Variants in RAB31 observed in about 807,000 individuals in gnomAD.
The protein encoded by RAB31 is RAB31, member RAS oncogene family.
RAB31 carries 21 observed loss-of-function variants against 25.6 expected under a neutral mutation model. That is an observed-to-expected ratio of 0.82 (90% CI 0.58 to 1.18). The LOEUF is 1.18. RAB31 is among the 50% of genes most tolerant of loss of function. RAB31 has a pLI of 0.00. For missense variants in RAB31, 196 were observed against 250.1 expected, an observed-to-expected ratio of 0.78 and a Z score of 1.46; for synonymous variants, 87 against 84.0, an observed-to-expected ratio of 1.04 and a Z score of -0.20.
chr18:9,784,942 T>G (rs2068424394), intron 2 of RAB31, among the ~76,000 whole-genome samples: 1 of 152,142 alleles, frequency 6.6e-6, no homozygotes, highest in Admixed American at 6.5e-5. Context: ...AGATAGAGTA[T>G]GATCAATTTT....
intron 5 of RAB31, among the ~76,000 whole-genome samples, chr18:9,829,953 G>A (rs1013151259): frequency 1.3e-5 from 2 of 151,446 alleles, no homozygotes; most frequent in African/African-American, 2.4e-5. Context: ...TATCATCTTC[G>A]AATTTAGGTC....
At chr18:9,793,655 C>A (rs1342288459) in intron 3 of RAB31, among the ~76,000 whole-genome samples, 1 of 150,234 alleles carries the variant, frequency 6.7e-6, no homozygotes, top group Non-Finnish European at 1.5e-5. Flanking sequence ...GAGTGAGACT[C>A]CAGCTCAAAA....
chr18:9,809,609 G>A (rs2068560458), intron 3 of RAB31, among the ~76,000 whole-genome samples: 2 of 152,144 alleles, frequency 1.3e-5, no homozygotes, highest in Non-Finnish European at 2.9e-5. Context: ...AGGCTGTCTT[G>A]CCTCATGTGC....
chr18:9,853,857 T>C (rs2068801279), intron 6 of RAB31, among the ~76,000 whole-genome samples: 1 of 150,890 alleles, frequency 6.6e-6, no homozygotes, highest in Admixed American at 6.6e-5. Context: ...AAAAAATAAA[T>C]AAATAAAGTT....
chr18:9,729,094 A>G (rs2068109409), intron 1 of RAB31, among the ~76,000 whole-genome samples: 1 of 152,026 alleles, frequency 6.6e-6, no homozygotes, highest in Non-Finnish European at 1.5e-5. Flanking sequence ...GTTTTTCCTC[A>G]GTTTGTTGTT....
rs151304499 is a variant in RAB31 at position 9,721,285 on chromosome 18, G to A, written c.39+12841G>A. Among the ~76,000 whole-genome samples the A allele has an allele frequency of 3.3e-5, 5 of 152,276 alleles. No individual in the cohort carries two copies. The East Asian group carries it at 7.7e-4, about 24-fold the overall frequency. On this transcript the variant is annotated intron_variant, in intron 1 of 6. Coordinates refer to ENST00000578921, the MANE Select transcript of RAB31 (RefSeq NM_006868.4). ...GTTAACGTCATTAATACTGGCTAAG[G>A]AGAAAATAACCGATGTAGAGTTAGT...
chr18:9,786,492 C>G (rs190925328), intron 2 of RAB31, among the ~76,000 whole-genome samples: 1 of 152,210 alleles, frequency 6.6e-6, no homozygotes, highest in Admixed American at 6.5e-5. Context: ...TCTAGAGGCC[C>G]GGACTTGGGA....
At chr18:9,846,126 C>T (rs1401519868) in intron 6 of RAB31, among the ~76,000 whole-genome samples, 1 of 152,146 alleles carries the variant, frequency 6.6e-6, no homozygotes, top group Non-Finnish European at 1.5e-5. Flanking sequence ...AGTAATGTCT[C>T]CATCCTGTTT....
chr18:9,719,618 G>A (rs1004688913), intron 1 of RAB31, among the ~76,000 whole-genome samples: 11 of 151,486 alleles, frequency 7.3e-5, no homozygotes, highest in South Asian at 4.2e-4. Context: ...TTTCACGTTC[G>A]GAGGACGGCT....
intron 1 of RAB31, among the ~76,000 whole-genome samples, chr18:9,740,271 C>G (rs1314472638): frequency 2.6e-5 from 4 of 152,250 alleles, no homozygotes; most frequent in African/African-American, 9.6e-5. Flanking sequence ...GTTCCTTCCT[C>G]TATAGGATGA....
intron 1 of RAB31, among the ~76,000 whole-genome samples, chr18:9,760,998 A>G (rs1419356161): frequency 6.6e-6 from 1 of 152,018 alleles, no homozygotes. Context: ...GAAATCCCCA[A>G]TTCTCTTCTT....
intron 5 of RAB31, among the ~76,000 whole-genome samples, chr18:9,831,646 G>C (rs1194122862): frequency 6.6e-6 from 1 of 152,224 alleles, no homozygotes; most frequent in Non-Finnish European, 1.5e-5. Flanking sequence ...GCATGGCCCT[G>C]CTTTGACCCT....
At chr18:9,761,521 G>T (rs1351661880) in intron 1 of RAB31, among the ~76,000 whole-genome samples, 1 of 152,186 alleles carries the variant, frequency 6.6e-6, no homozygotes, top group Non-Finnish European at 1.5e-5. Context: ...CAGGAATTGG[G>T]CATGGCTTAG....
At chr18:9,835,750 G>GT in intron 5 of RAB31, among the ~76,000 whole-genome samples, 1 of 152,106 alleles carries the variant, frequency 6.6e-6, no homozygotes, top group East Asian at 1.9e-4. Flanking sequence ...GTTTATTTTC[G>GT]TTTTTTTCCT....
chr18:9,845,366 T>C (rs1408673919), intron 5 of RAB31, among the ~76,000 whole-genome samples: 1 of 152,234 alleles, frequency 6.6e-6, no homozygotes, highest in Non-Finnish European at 1.5e-5. Flanking sequence ...AACACTATTT[T>C]ATATATGCAT....
At chr18:9,805,495 G>A (rs1370909188) in intron 3 of RAB31, among the ~76,000 whole-genome samples, 2 of 152,054 alleles carry the variant, frequency 1.3e-5, no homozygotes, top group African/African-American at 4.8e-5. Context: ...CTCTTTCACT[G>A]TTGAGGAGCC....
chr18:9,850,127 T>C (rs1016129574), intron 6 of RAB31, among the ~76,000 whole-genome samples: 7 of 151,996 alleles, frequency 4.6e-5, no homozygotes, highest in African/African-American at 1.7e-4. Flanking sequence ...TGGAAGGAGA[T>C]GGGGAATGAG....
intron 1 of RAB31, among the ~76,000 whole-genome samples, chr18:9,744,432 C>A (rs1282848328): frequency 1.3e-5 from 2 of 152,208 alleles, no homozygotes; most frequent in Non-Finnish European, 2.9e-5. Context: ...CTCCTTTTAA[C>A]TGGTTGTAAC....
At chr18:9,779,862 C>T (rs547226024) in intron 2 of RAB31, among the ~76,000 whole-genome samples, 24 of 152,218 alleles carry the variant, frequency 1.6e-4, no homozygotes, top group African/African-American at 5.3e-4. Flanking sequence ...AGATTAAAGT[C>T]TAATTGTTTT....
Sources: gnomAD v4.1 joint callset for allele counts (sites outside exome capture counted in the v4.1 genomes callset) on GRCh38, gnomAD v4.1.1 for gene constraint, MANE v1.5 for transcripts, NCBI Gene and HGNC (gene_info 2026-07-23, HGNC 2026-07-21) for gene names.